Variants in SV2B observed in about 807,000 individuals in gnomAD.
SV2B encodes the protein synaptic vesicle glycoprotein 2B, also known as solute carrier family 22 member B2.
In SV2B, 41 loss-of-function variants were observed where a neutral mutation model predicts 73.9. That is an observed-to-expected ratio of 0.56 (90% CI 0.43 to 0.72). The LOEUF (loss-of-function observed/expected upper bound fraction) is 0.72, where lower values mean the gene tolerates loss of function less well. SV2B is among the 30% of genes least tolerant of loss of function. The probability of loss-of-function intolerance (pLI) is 0.00; values close to 1 mark genes in which losing one functional copy is unlikely to be tolerated. For missense variants in SV2B, 764 were observed against 857.8 expected (o/e 0.89, Z 1.37); for synonymous variants, 314 against 314.2 (o/e 1.00, Z 0.01).
intron 1 of SV2B, among the ~76,000 whole-genome samples, chr15:91,173,137 G>A (rs1164807392): frequency 6.6e-6 from 1 of 152,168 alleles, no homozygotes; most frequent in Non-Finnish European, 1.5e-5. Flanking sequence ...AAAAGGCCAA[G>A]TGCTGAGAAG....
At chr15:91,278,934 C>G (rs1054906887) in intron 9 of SV2B, among the ~76,000 whole-genome samples, 2 of 152,046 alleles carry the variant, frequency 1.3e-5, no homozygotes, top group East Asian at 3.9e-4. Flanking sequence ...TTTGGGGAGC[C>G]GTAGCCTTTA....
At position 91,294,105 on chromosome 15, in the gene SV2B, A is replaced by G. The variant is rs2049138342; in HGVS notation, c.*1553A>G. The G allele has an allele frequency of 6.6e-6, 1 of 152,240 alleles. No homozygotes were observed. Among genetic ancestry groups the G allele is most frequent in the South Asian group, 2.1e-4 (1 of 4,830 alleles). 9.4% of individuals were successfully genotyped at this position (152,240 alleles called of 1,614,324 possible). A position where few individuals can be genotyped will look rare whatever the true frequency, so the allele number is the denominator to read the frequency against. On this transcript the variant is annotated 3_prime_UTR_variant, in exon 13 of 13. Coordinates refer to ENST00000394232, the MANE Select transcript of SV2B (RefSeq NM_001323032.3). This position sits in a 1 kb window ranked among gnomAD's most constrained non-coding sequence, Gnocchi z 4.1. ...TCAGCCTGCAAGAACTAGTTGTTTG[A>G]GTTGATTTGCAGTGCTCTCAATGGG...
At chr15:91,149,344 C>T (rs759675972) in intron 1 of SV2B, among the ~76,000 whole-genome samples, 27 of 152,174 alleles carry the variant, frequency 1.8e-4, no homozygotes, top group Non-Finnish European at 1.8e-4. Context: ...TGACAGGATC[C>T]ACCCCACAGG....
At chr15:91,278,903 A>C (rs1217938611) in intron 9 of SV2B, among the ~76,000 whole-genome samples, 1 of 152,080 alleles carries the variant, frequency 6.6e-6, no homozygotes, top group African/African-American at 2.4e-5. Context: ...AGAGCTTATT[A>C]AAATATTTAT....
chr15:91,140,788 C>T lies in SV2B; in HGVS notation c.-392+40425C>T, dbSNP rs1567284718. Reference sequence around the variant, plus strand: ...TCTTGAAGAAGTTTCTGGCATGGCTCAGTGGCTGTTTATCACCTCTGTATT... The same window carrying T: ...TCTTGAAGAAGTTTCTGGCATGGCTTAGTGGCTGTTTATCACCTCTGTATT... On this transcript the variant is annotated intron_variant, in intron 1 of 12. Transcript: ENST00000394232. The surrounding 1 kb of genome is among the most constrained non-coding windows in gnomAD (Gnocchi z 4.4). 6.6e-6 allele frequency among the ~76,000 whole-genome samples: 1 copy of T among 152,052 alleles called. No homozygotes were observed. Among genetic ancestry groups the T allele is most frequent in the Non-Finnish European group, 1.5e-5 (1 of 68,016 alleles).
At chr15:91,278,513 T>TA (rs2048569493) in intron 9 of SV2B, among the ~76,000 whole-genome samples, 1 of 150,920 alleles carries the variant, frequency 6.6e-6, no homozygotes, top group Admixed American at 6.6e-5. Flanking sequence ...CCGTCTCTAC[T>TA]AAAAAAATAC....
rs1432259391 is a variant in SV2B, at chr15:91,234,732, A to G, written c.451+8018A>G. 1.3e-5 allele frequency among the ~76,000 whole-genome samples: 2 copies of G among 152,200 alleles called. No individual in the cohort carries two copies. The highest frequency in any genetic ancestry group is 2.9e-5 in the Non-Finnish European group (2 of 68,034). The stretch of plus-strand genomic sequence containing the variant: ...AACCCTTGAATGAAAGGGAGGCTGA[A>G]TCTCCTTGAGGAGGGACCCCAGTAC... On this transcript the variant is annotated intron_variant, in intron 2 of 12. Transcript: ENST00000394232. The surrounding 1 kb of genome is among the most constrained non-coding windows in gnomAD (Gnocchi z 5.6).
At chr15:91,154,632 A>G (rs190031833) in intron 1 of SV2B, among the ~76,000 whole-genome samples, 99 of 152,142 alleles carry the variant, frequency 6.5e-4, no homozygotes, top group African/African-American at 2.2e-3. Context: ...AGTGGGCCCT[A>G]TTCCAATGAC....
intron 9 of SV2B, among the ~76,000 whole-genome samples, chr15:91,270,846 ACGGTGAATCCTGTGGATGATGGGC>A: frequency 2.5e-5 from 3 of 121,906 alleles, no homozygotes; most frequent in African/African-American, 1.0e-4. Context: ...TGATGGGGGG[ACGGTGAATCCTGTGGATGATGGGC>A]GGACGGTGAA....
intron 1 of SV2B, among the ~76,000 whole-genome samples, chr15:91,167,198 G>T (rs969473218): frequency 1.3e-5 from 2 of 152,096 alleles, no homozygotes; most frequent in Non-Finnish European, 2.9e-5. Context: ...GGTTACAGTA[G>T]TTTTTTTAAG....
In SV2B at chr15:91,136,421, C is replaced by A. The variant is rs1367143247; in HGVS notation, c.-392+36058C>A. ...CTTAGGTATATTCTCGGAGAGAGAACCTTTATTTACCCGTGCCCATCCAGC... is the reference window on the plus strand; with the variant it reads ...CTTAGGTATATTCTCGGAGAGAGAAACTTTATTTACCCGTGCCCATCCAGC... On this transcript the variant is annotated intron_variant, in intron 1 of 12. Coordinates refer to ENST00000394232, the MANE Select transcript of SV2B (RefSeq NM_001323032.3). The surrounding 1 kb of genome is among the most constrained non-coding windows in gnomAD (Gnocchi z 5.6). Among the ~76,000 whole-genome samples the A allele has an allele frequency of 6.6e-6, 1 of 152,258 alleles. No homozygotes were observed. The highest frequency in any genetic ancestry group is 1.9e-4 in the East Asian group (1 of 5,182).
rs1220226233 is a variant in SV2B, at chr15:91,177,034, T to G, written c.-391-48839T>G. Among the ~76,000 whole-genome samples the G allele has an allele frequency of 4.0e-5, 6 of 151,260 alleles. 1 individual carries two copies. Among genetic ancestry groups the G allele is most frequent in the South Asian group, 2.1e-4 (1 of 4,802 alleles). On this transcript the variant is annotated intron_variant, in intron 1 of 12. Coordinates refer to ENST00000394232, the MANE Select transcript of SV2B (RefSeq NM_001323032.3). ...GTTTTTATGGTTTTAGGTCTAACAT[T>G]TAAGTCTTTAATCCATCTTGAATTA...
At chr15:91,159,475 C>T (rs1049885690) in intron 1 of SV2B, among the ~76,000 whole-genome samples, 1 of 151,808 alleles carries the variant, frequency 6.6e-6, no homozygotes, top group African/African-American at 2.4e-5. Flanking sequence ...TATAGCTAAG[C>T]CACTAGATAA....
At chr15:91,104,410 C>T (rs1427272357) in intron 1 of SV2B, among the ~76,000 whole-genome samples, 1 of 152,204 alleles carries the variant, frequency 6.6e-6, no homozygotes, top group Non-Finnish European at 1.5e-5. Context: ...CTTGTATGGC[C>T]TCTTGAGGCC....
chr15:91,170,188 C>T (rs1596514274), intron 1 of SV2B, among the ~76,000 whole-genome samples: 1 of 152,124 alleles, frequency 6.6e-6, no homozygotes, highest in Non-Finnish European at 1.5e-5. Flanking sequence ...ACTGCAGTGT[C>T]AGTGCATGGG....
intron 1 of SV2B, among the ~76,000 whole-genome samples, chr15:91,210,000 G>A (rs974804007): frequency 1.3e-5 from 2 of 152,042 alleles, no homozygotes; most frequent in Non-Finnish European, 2.9e-5. Flanking sequence ...AGAGAATGGG[G>A]AGATGGAGGG....
chr15:91,279,812 C>G (rs1053786416), intron 9 of SV2B, among the ~76,000 whole-genome samples: 4 of 152,212 alleles, frequency 2.6e-5, no homozygotes, highest in Non-Finnish European at 4.4e-5. Flanking sequence ...CTTAAGTAAA[C>G]ACGTCTAGCT....
At position 91,236,020 on chromosome 15, in the gene SV2B, C is replaced by G. The variant is rs1315453695; in HGVS notation, c.451+9306C>G. On this transcript the variant is annotated intron_variant, in intron 2 of 12. Transcript: ENST00000394232. The surrounding 1 kb of genome is among the most constrained non-coding windows in gnomAD (Gnocchi z 4.1). ...GTAACTACTTTGCTCAGGATCTGCA[C>G]ACAGTAGGTGCTTAGTCAGTACTCA... Among the ~76,000 whole-genome samples the G allele has an allele frequency of 1.3e-5, 2 of 152,190 alleles. No homozygotes were observed. Among genetic ancestry groups the G allele is most frequent in the Admixed American group, 6.5e-5 (1 of 15,286 alleles).
At chr15:91,208,803 A>T (rs946973325) in intron 1 of SV2B, among the ~76,000 whole-genome samples, 2 of 151,882 alleles carry the variant, frequency 1.3e-5, no homozygotes, top group Non-Finnish European at 2.9e-5. Flanking sequence ...GCTCACTCAC[A>T]CTCATCTCCT....
Sources: allele counts gnomAD v4.1 joint callset (sites outside exome capture counted in the v4.1 genomes callset), GRCh38; gene constraint gnomAD v4.1.1; non-coding constraint Gnocchi (gnomAD v3.1); transcripts MANE v1.5; gene names NCBI Gene and HGNC (gene_info 2026-07-23, HGNC 2026-07-21).